The following GPHN variants were observed in gnomAD, a reference collection of about 807,000 sequenced individuals.
The protein encoded by GPHN is gephyrin.
GPHN carries 17 observed loss-of-function variants against 95.5 expected under a neutral mutation model. That is an observed-to-expected ratio of 0.18 (90% CI 0.12 to 0.27). The LOEUF (loss-of-function observed/expected upper bound fraction) is 0.27, where lower values mean the gene tolerates loss of function less well. Among genes scored for constraint, GPHN ranks in the 10% least tolerant of loss-of-function variants. GPHN has a pLI of 1.00. For synonymous variants in GPHN, 320 were observed against 322.5 expected, an observed-to-expected ratio of 0.99 and a Z score of 0.08; for missense variants, 660 against 978.1, an observed-to-expected ratio of 0.67 and a Z score of 4.34.
At chr14:66,704,948 A>G (rs973298069) in intron 2 of GPHN, among the ~76,000 whole-genome samples, 1 of 107,198 alleles carries the variant, frequency 9.3e-6, no homozygotes, top group Non-Finnish European at 1.7e-5. Context: ...AGAGAGAAGA[A>G]TCAAATAGAC....
chr14:67,504,984 G>A, the GPHN span, among the ~76,000 whole-genome samples: 6 of 152,102 alleles, frequency 3.9e-5, no homozygotes, highest in African/African-American at 1.2e-4. Context: ...TCCCAAGTGC[G>A]TTTGGATATT....
chr14:67,494,034 G>A, the GPHN span, among the ~76,000 whole-genome samples: 1 of 151,966 alleles, frequency 6.6e-6, no homozygotes, highest in Non-Finnish European at 1.5e-5. Flanking sequence ...CATGCACTCA[G>A]CTGGACACTG....
chr14:66,519,866 T>C (rs942985086), intron 1 of GPHN, among the ~76,000 whole-genome samples: 2 of 152,176 alleles, frequency 1.3e-5, no homozygotes, highest in African/African-American at 4.8e-5. Context: ...ATGTTAGTGT[T>C]GTCACCATTT....
intron 1 of GPHN, among the ~76,000 whole-genome samples, chr14:66,572,266 G>A (rs898481315): frequency 6.6e-6 from 1 of 152,096 alleles, no homozygotes; most frequent in Non-Finnish European, 1.5e-5. Flanking sequence ...TGAATTTTAG[G>A]ATTTTTCTAA....
chr14:67,722,503 C>T, the GPHN span: 5 of 790,706 alleles, frequency 6.3e-6, no homozygotes, highest in East Asian at 1.2e-4. Context: ...AGTCAGGCTG[C>T]TGCTCAGCAC....
chr14:66,719,797 G>T (rs1380749406), intron 2 of GPHN, among the ~76,000 whole-genome samples: 1 of 152,108 alleles, frequency 6.6e-6, no homozygotes, highest in East Asian at 1.9e-4. Flanking sequence ...TAGATAACCT[G>T]ATAAATAACA....
At chr14:66,860,647 T>A (rs974241689) in intron 4 of GPHN, among the ~76,000 whole-genome samples, 15 of 152,004 alleles carry the variant, frequency 9.9e-5, no homozygotes, top group Admixed American at 2.0e-4. Flanking sequence ...GCAGAAAGAC[T>A]AAATAATAAA....
At chr14:66,555,495 C>T (rs1458755562) in intron 1 of GPHN, among the ~76,000 whole-genome samples, 4 of 151,930 alleles carry the variant, frequency 2.6e-5, no homozygotes, top group East Asian at 3.9e-4. Context: ...TATGATTGCC[C>T]CCCCGCAACC....
intron 1 of GPHN, among the ~76,000 whole-genome samples, chr14:66,647,697 C>G (rs750694255): frequency 6.6e-6 from 1 of 152,024 alleles, no homozygotes; most frequent in African/African-American, 2.4e-5. Context: ...CTGTCACCCT[C>G]TCTCATAATA....
intron 4 of GPHN, among the ~76,000 whole-genome samples, chr14:66,832,323 T>C (rs995969038): frequency 3.9e-5 from 6 of 152,214 alleles, no homozygotes; most frequent in Non-Finnish European, 7.3e-5. Flanking sequence ...TCTTTGTAGA[T>C]GCTCAGTATT....
the GPHN span, among the ~76,000 whole-genome samples, chr14:67,554,195 C>T: frequency 6.6e-6 from 1 of 152,210 alleles, no homozygotes; most frequent in Non-Finnish European, 1.5e-5. Context: ...CTACTGCTTC[C>T]ATGTAACTTT....
intron 10 of GPHN, among the ~76,000 whole-genome samples, chr14:67,044,672 C>T (rs950589325): frequency 1.3e-5 from 2 of 152,080 alleles, no homozygotes; most frequent in Non-Finnish European, 2.9e-5. Context: ...TAAAAGCATA[C>T]CCCAGCCACC....
At chr14:66,966,983 A>G (rs764143179) in intron 9 of GPHN, among the ~76,000 whole-genome samples, 13 of 151,948 alleles carry the variant, frequency 8.6e-5, no homozygotes, top group Non-Finnish European at 1.3e-4. Flanking sequence ...ATATTCGTCA[A>G]ATTAATTTGC....
At chr14:66,975,277 G>A (rs2070134607) in intron 9 of GPHN, among the ~76,000 whole-genome samples, 1 of 152,072 alleles carries the variant, frequency 6.6e-6, no homozygotes, top group Non-Finnish European at 1.5e-5. Context: ...TAAAGGTTTT[G>A]GAGTCATCTC....
the GPHN span, chr14:67,572,044 C>A: frequency 6.7e-7 from 1 of 1,496,582 alleles, no homozygotes; most frequent in South Asian, 1.3e-5. Flanking sequence ...GAGACCGGGT[C>A]CCGGGTGGGT....
chr14:66,659,514 G>A (rs2065511068), intron 1 of GPHN, among the ~76,000 whole-genome samples: 1 of 151,628 alleles, frequency 6.6e-6, no homozygotes, highest in Non-Finnish European at 1.5e-5. Context: ...AATTTTGTGA[G>A]GCTTCTTGAT....
chr14:67,296,083 T>A, the GPHN span, among the ~76,000 whole-genome samples: 3 of 151,972 alleles, frequency 2.0e-5, no homozygotes, highest in Non-Finnish European at 4.4e-5. Context: ...TGTGCCTAAT[T>A]CTGTTTTGGG....
chr14:67,369,849 C>G, the GPHN span, among the ~76,000 whole-genome samples: 2 of 152,116 alleles, frequency 1.3e-5, no homozygotes, highest in Non-Finnish European at 2.9e-5. Context: ...GTTGCTGAGA[C>G]CAGCTCTGTT....
intron 4 of GPHN, among the ~76,000 whole-genome samples, chr14:66,833,093 T>C (rs2061642036): frequency 6.6e-6 from 1 of 152,164 alleles, no homozygotes. Flanking sequence ...ATTTACTGTA[T>C]TAGTCTGTTC....
Sources: gnomAD v4.1 joint callset for allele counts (sites outside exome capture counted in the v4.1 genomes callset) on GRCh38, gnomAD v4.1.1 for gene constraint, MANE v1.5 for transcripts, NCBI Gene and HGNC (gene_info 2026-07-23, HGNC 2026-07-21) for gene names.